Variants in PHIP observed in about 807,000 individuals in gnomAD.
PHIP encodes the protein PHIP subunit of CUL4-Ring ligase complex, also known as PH-interacting protein.
Under a neutral mutation model 236.8 loss-of-function variants are expected in PHIP, and 54 were observed. The observed-to-expected ratio is 0.23, with a 90% CI of 0.18 to 0.29. The LOEUF (loss-of-function observed/expected upper bound fraction) is 0.29, where lower values mean the gene tolerates loss of function less well. Ranked by LOEUF, PHIP falls within the 10% of genes least tolerant of loss-of-function variation. The pLI is 1.00. For missense variants in PHIP, 1,370 were observed against 2,190.8 expected (o/e 0.63, Z 7.48); for synonymous variants, 756 against 718.9 (o/e 1.05, Z -0.83).
chr6:79,012,703 T>C (rs1770651989), intron 15 of PHIP, among the ~76,000 whole-genome samples: 1 of 151,718 alleles, frequency 6.6e-6, no homozygotes, highest in Non-Finnish European at 1.5e-5. Context: ...ACATTCATGA[T>C]AGCAAGCAGT....
intron 6 of PHIP, among the ~76,000 whole-genome samples, chr6:79,043,760 T>C (rs1256744980): frequency 6.6e-5 from 10 of 151,940 alleles, no homozygotes; most frequent in Admixed American, 6.6e-4. Flanking sequence ...ACAAAGAAGG[T>C]GCTCAATAAA....
At position 78,939,694 on chromosome 6, in the gene PHIP, A is replaced by G. The variant is rs967697268; in HGVS notation, c.*999T>C. On this transcript the variant is annotated 3_prime_UTR_variant, in exon 40 of 40. Transcript: ENST00000275034. Reference sequence around the variant, plus strand: ...TATTAGATATGTCTAAAGTTTAGAAATGACATTAATCCAGATCAACAAGTA... The same window carrying G: ...TATTAGATATGTCTAAAGTTTAGAAGTGACATTAATCCAGATCAACAAGTA... The G allele has an allele frequency of 6.6e-6, 1 of 151,966 alleles. No individual in the cohort carries two copies. Among genetic ancestry groups the G allele is most frequent in the South Asian group, 2.1e-4 (1 of 4,832 alleles). 9.4% of individuals were successfully genotyped at this position (151,966 alleles called of 1,614,324 possible). A position where few individuals can be genotyped will look rare whatever the true frequency, so the allele number is the denominator to read the frequency against.
chr6:78,954,096 A>G (rs138369116), intron 35 of PHIP, among the ~76,000 whole-genome samples: 1 of 152,112 alleles, frequency 6.6e-6, no homozygotes, highest in Non-Finnish European at 1.5e-5. Context: ...TTCACATTTA[A>G]AACTATTTTT....
intron 23 of PHIP, among the ~76,000 whole-genome samples, chr6:78,980,898 A>G (rs908055571): frequency 2.6e-5 from 4 of 152,076 alleles, no homozygotes; most frequent in African/African-American, 9.6e-5. Flanking sequence ...ATTTCTCCCC[A>G]TAAGGAATTT....
chr6:79,077,411 G>A, intron 4 of PHIP, 37 bp downstream of exon 4: 2 of 1,547,564 alleles, frequency 1.3e-6, no homozygotes, highest in Non-Finnish European at 8.9e-7. Flanking sequence ...TTCGACTCAG[G>A]GAAAAGTTTC....
intron 35 of PHIP, among the ~76,000 whole-genome samples, chr6:78,951,343 T>C (rs1445185219): frequency 6.6e-6 from 1 of 152,190 alleles, no homozygotes; most frequent in Non-Finnish European, 1.5e-5. Flanking sequence ...TAAATGAACG[T>C]TGTAGAATAT....
At position 78,936,385 on chromosome 6, in the gene PHIP, T is replaced by C. The variant is rs1773272216; in HGVS notation, c.*4308A>G. The C allele has an allele frequency of 6.6e-6, 1 of 151,942 alleles. No individual in the cohort carries two copies. Among genetic ancestry groups the C allele is most frequent in the South Asian group, 2.1e-4 (1 of 4,832 alleles). 9.4% of individuals were successfully genotyped at this position (151,942 alleles called of 1,614,324 possible). ...GTAAGACCCCTGTCTTCTTGCAGTT[T>C]TAATATGGTCCAAAAATGTAACTTT... On this transcript the variant is annotated 3_prime_UTR_variant, in exon 40 of 40. Transcript: ENST00000275034.
chr6:79,066,353 T>C, intron 4 of PHIP, among the ~76,000 whole-genome samples: 1 of 152,182 alleles, frequency 6.6e-6, no homozygotes, highest in East Asian at 1.9e-4. Flanking sequence ...CTGAGAGGTA[T>C]ATACTATCAT....
chr6:79,045,366 T>C (rs189339597), intron 6 of PHIP, among the ~76,000 whole-genome samples: 24 of 152,270 alleles, frequency 1.6e-4, no homozygotes, highest in Admixed American at 1.4e-3. Context: ...TAGATAATTT[T>C]TATAAAGATA....
At chr6:79,017,436 G>A (rs780922155) in intron 11 of PHIP, 47 bp downstream of exon 11, 2 of 1,576,416 alleles carry the variant, frequency 1.3e-6, no homozygotes, top group Non-Finnish European at 8.7e-7. Flanking sequence ...ATAAACTCTT[G>A]GACTCACATA....
intron 4 of PHIP, among the ~76,000 whole-genome samples, chr6:79,064,723 T>C (rs1335103947): frequency 6.6e-6 from 1 of 152,218 alleles, no homozygotes; most frequent in Non-Finnish European, 1.5e-5. Context: ...AGCCATTAAA[T>C]AGTGAAGTTC....
intron 4 of PHIP, among the ~76,000 whole-genome samples, chr6:79,071,004 C>G (rs947360318): frequency 6.6e-6 from 1 of 152,124 alleles, no homozygotes; most frequent in Non-Finnish European, 1.5e-5. Context: ...CATGGATAAC[C>G]TAGGGCTTAC....
rs1298468509 is a variant in PHIP, at chr6:78,935,037, C to CTT, written c.*5654_*5655dup. 6.6e-6 allele frequency among the ~76,000 whole-genome samples: 1 copy of CTT among 152,118 alleles called. No individual in the cohort carries two copies. On this transcript the variant is annotated 3_prime_UTR_variant, in exon 40 of 40. Transcript: ENST00000275034. ...GAGGTTTTGTGCTTTGGTCTTTAAT[C>CTT]TTACTTCCGTTAAATACTGGGGAAT...
chr6:79,067,461 TA>T (rs1482492510), intron 4 of PHIP, among the ~76,000 whole-genome samples: 1 of 152,250 alleles, frequency 6.6e-6, no homozygotes, highest in Non-Finnish European at 1.5e-5. Context: ...ATCCTTTTTT[TA>T]AAATATCATG....
In PHIP at chr6:79,002,059, T is replaced by G; in HGVS notation, c.1719A>C (p.Val573=). The change falls in exon 17 of 40, where the codon GTA becomes GTC. Residue 573 remains valine (V), a synonymous_variant. Coordinates refer to ENST00000275034, the MANE Select transcript of PHIP (RefSeq NM_017934.7). ...RPLIRDANNF[V]LDEQTQQAPH... ...GTGCTTGCTGAGTCTGTTCATCTAATACAAAATTGTTGGCATCACGAATAA... is the reference window on the plus strand; with the variant it reads ...GTGCTTGCTGAGTCTGTTCATCTAAGACAAAATTGTTGGCATCACGAATAA... 4 of 1,613,256 alleles carry G rather than the reference T, an allele frequency of 2.5e-6. No individual in the cohort carries two copies. Among genetic ancestry groups the G allele is most frequent in the Non-Finnish European group, 3.4e-6 (4 of 1,179,444 alleles).
intron 24 of PHIP, among the ~76,000 whole-genome samples, chr6:78,977,530 C>A (rs1768190307): frequency 6.6e-6 from 1 of 152,032 alleles, no homozygotes; most frequent in East Asian, 1.9e-4. Context: ...TAAAAAAATA[C>A]CATTATTGCT....
At chr6:78,984,178 G>A (rs1296136281) in intron 22 of PHIP, among the ~76,000 whole-genome samples, 2 of 152,148 alleles carry the variant, frequency 1.3e-5, no homozygotes, top group African/African-American at 2.4e-5. Flanking sequence ...TTATAAGCAC[G>A]TACCTAAATC....
rs748439523 is a variant in PHIP at position 79,078,093 on chromosome 6, C to T, written c.-25G>A. 4 of 1,605,396 alleles carry T rather than the reference C, an allele frequency of 2.5e-6. No homozygotes were observed. The highest frequency in any genetic ancestry group is 3.4e-6 in the Non-Finnish European group (4 of 1,177,622). On this transcript the variant is annotated 5_prime_UTR_variant, in exon 1 of 40. Coordinates refer to ENST00000275034, the MANE Select transcript of PHIP (RefSeq NM_017934.7). The stretch of plus-strand genomic sequence containing the variant: ...TGTTTATGGGTCACTTCAGGGCCGC[C>T]GACGGGACACCCCGCCGCCGAGGGG...
In PHIP at chr6:78,972,543, G is replaced by A. The variant is rs558935547; in HGVS notation, c.2890-1655C>T. ...GCTGGACGCAGAATGACTTTGATGA[G>A]CTGAGAGAAGAAGGCTTCAGACGAT... On this transcript the variant is annotated intron_variant, in intron 24 of 39. Coordinates refer to ENST00000275034, the MANE Select transcript of PHIP (RefSeq NM_017934.7). Among the ~76,000 whole-genome samples, 52 of 152,342 alleles carry A rather than the reference G, an allele frequency of 3.4e-4. 1 individual carries two copies. Among genetic ancestry groups the A allele is most frequent in the Non-Finnish European group, 6.5e-4 (44 of 68,038 alleles).
Sources: allele counts gnomAD v4.1 joint callset (sites outside exome capture counted in the v4.1 genomes callset), GRCh38; gene constraint gnomAD v4.1.1; transcripts MANE v1.5; gene names NCBI Gene and HGNC (gene_info 2026-07-23, HGNC 2026-07-21).